The following ADAMTS12 variants were observed in gnomAD, a reference collection of about 807,000 sequenced individuals.
ADAMTS12 encodes the protein ADAM metallopeptidase with thrombospondin type 1 motif 12.
A neutral mutation model predicts 167.8 loss-of-function variants in ADAMTS12; 118 were observed. The ratio of observed to expected loss-of-function variants is 0.70; its 90% confidence interval spans 0.61 to 0.82. The LOEUF is 0.82. Among genes scored for constraint, ADAMTS12 ranks in the 40% least tolerant of loss-of-function variants. ADAMTS12 has a pLI of 0.00. For synonymous variants in ADAMTS12, 704 were observed against 716.9 expected (o/e 0.98, Z 0.29); for missense variants, 1,916 against 1,998.8 (o/e 0.96, Z 0.79).
At chr5:33,639,022 C>T (rs999312852) in intron 11 of ADAMTS12, among the ~76,000 whole-genome samples, 6 of 151,988 alleles carry the variant, frequency 3.9e-5, no homozygotes, top group African/African-American at 1.5e-4. Context: ...GCCTGGAGTT[C>T]GAATTTGGTA....
At chr5:33,875,198 A>C (rs1442319514) in intron 2 of ADAMTS12, among the ~76,000 whole-genome samples, 5 of 152,254 alleles carry the variant, frequency 3.3e-5, no homozygotes, top group Admixed American at 6.5e-5. Context: ...TAGGTGGAGC[A>C]CAGAAAATTC....
intron 17 of ADAMTS12, among the ~76,000 whole-genome samples, chr5:33,590,292 T>C (rs1221218826): frequency 3.3e-5 from 5 of 152,208 alleles, no homozygotes; most frequent in Non-Finnish European, 5.9e-5. Context: ...TACAGTCCCT[T>C]AGGGGACATA....
chr5:33,530,069 G>A (rs1183231094), intron 23 of ADAMTS12, among the ~76,000 whole-genome samples: 2 of 148,308 alleles, frequency 1.3e-5, no homozygotes, highest in Non-Finnish European at 3.0e-5. Flanking sequence ...ACAGGCATGT[G>A]CCACCATGCC....
intron 1 of ADAMTS12, 62 bp from the exon 2 acceptor site, chr5:33,881,542 T>G (rs1261231734): frequency 6.5e-7 from 1 of 1,542,406 alleles, no homozygotes; most frequent in African/African-American, 1.4e-5. Context: ...AAAGCCACTT[T>G]CGTTTGGAAC....
At chr5:33,548,147 C>T (rs963291718) in intron 21 of ADAMTS12, among the ~76,000 whole-genome samples, 6 of 152,198 alleles carry the variant, frequency 3.9e-5, no homozygotes, top group Non-Finnish European at 7.3e-5. Context: ...TCTCTGCCTT[C>T]CCTTCACTGG....
intron 3 of ADAMTS12, among the ~76,000 whole-genome samples, chr5:33,734,850 G>A (rs560363160): frequency 6.6e-6 from 1 of 152,306 alleles, no homozygotes; most frequent in African/African-American, 2.4e-5. Flanking sequence ...GGAGGAGCTT[G>A]TGGGCCACCC....
chr5:33,722,316 GTTAT>G (rs772219000), intron 3 of ADAMTS12, among the ~76,000 whole-genome samples: 1 of 152,118 alleles, frequency 6.6e-6, no homozygotes, highest in Non-Finnish European at 1.5e-5. Context: ...CCTGTATTGT[GTTAT>G]TTGTGTATTT....
rs372674410 is a variant in ADAMTS12, at chr5:33,889,357, G to A, written c.127+2373C>T. On this transcript the variant is annotated intron_variant, in intron 1 of 23. Coordinates refer to ENST00000504830, the MANE Select transcript of ADAMTS12 (RefSeq NM_030955.4). ...CCTGAAGTAATTTGCAAGTTTAAAC[G>A]TTCAGGATTTGAATGCATTCAAAAA... Among the ~76,000 whole-genome samples the A allele has an allele frequency of 2.7e-3, 409 of 152,224 alleles. 3 individuals carry two copies. Among genetic ancestry groups the A allele is most frequent in the African/African-American group, 9.5e-3 (394 of 41,536 alleles).
intron 3 of ADAMTS12, among the ~76,000 whole-genome samples, chr5:33,740,591 G>T (rs1199215715): frequency 6.6e-6 from 1 of 152,154 alleles, no homozygotes. Flanking sequence ...GGGATGGGGG[G>T]GATGATTGCT....
intron 2 of ADAMTS12, among the ~76,000 whole-genome samples, chr5:33,799,380 A>G (rs1746907198): frequency 6.6e-6 from 1 of 152,140 alleles, no homozygotes; most frequent in Non-Finnish European, 1.5e-5. Context: ...CCCTTTCCCA[A>G]GGGGCTGCTC....
intron 7 of ADAMTS12, 32 bp from the exon 8 acceptor site, chr5:33,649,729 CA>C (rs780818124): frequency 6.2e-7 from 1 of 1,609,776 alleles, no homozygotes; most frequent in African/African-American, 1.3e-5. Context: ...CAAGAAGAGC[CA>C]GCAGGCAGGC....
chr5:33,819,598 T>C (rs1289804342), intron 2 of ADAMTS12, among the ~76,000 whole-genome samples: 2 of 152,150 alleles, frequency 1.3e-5, no homozygotes, highest in African/African-American at 4.8e-5. Context: ...TCTATACAAA[T>C]TTTAGGATTC....
intron 18 of ADAMTS12, among the ~76,000 whole-genome samples, chr5:33,579,332 T>C (rs1746933600): frequency 6.6e-6 from 1 of 152,232 alleles, no homozygotes; most frequent in Non-Finnish European, 1.5e-5. Flanking sequence ...AGCTGACTGA[T>C]AACTGAGGTC....
At chr5:33,744,854 A>G (rs1744723631) in intron 3 of ADAMTS12, among the ~76,000 whole-genome samples, 1 of 152,152 alleles carries the variant, frequency 6.6e-6, no homozygotes, top group Admixed American at 6.5e-5. Context: ...TTTCACTGTC[A>G]CCCAGACTGG....
intron 2 of ADAMTS12, among the ~76,000 whole-genome samples, chr5:33,795,231 A>G (rs758950689): frequency 4.6e-5 from 7 of 152,180 alleles, no homozygotes; most frequent in Non-Finnish European, 7.3e-5. Flanking sequence ...GTGCTTACAA[A>G]TGGCACTGCC....
intron 3 of ADAMTS12, among the ~76,000 whole-genome samples, chr5:33,690,688 T>C (rs1742518955): frequency 6.6e-6 from 1 of 152,162 alleles, no homozygotes; most frequent in Non-Finnish European, 1.5e-5. Flanking sequence ...GAATTTATAA[T>C]GAATTTATAT....
intron 5 of ADAMTS12, among the ~76,000 whole-genome samples, chr5:33,670,631 A>G (rs1459306696): frequency 6.6e-6 from 1 of 152,098 alleles, no homozygotes; most frequent in Non-Finnish European, 1.5e-5. Context: ...AATCCCAGCT[A>G]CTCAGGAGGT....
chr5:33,853,902 G>T (rs1380270329), intron 2 of ADAMTS12, among the ~76,000 whole-genome samples: 1 of 152,158 alleles, frequency 6.6e-6, no homozygotes, highest in Non-Finnish European at 1.5e-5. Flanking sequence ...AATCCTGCTG[G>T]TCCCTGGGCT....
intron 3 of ADAMTS12, among the ~76,000 whole-genome samples, chr5:33,688,906 A>G (rs1204557488): frequency 1.3e-5 from 2 of 152,178 alleles, no homozygotes; most frequent in Admixed American, 6.5e-5. Flanking sequence ...CTAACTGGAC[A>G]TTGGCCACTA....
Sources: gnomAD v4.1 joint callset for allele counts (sites outside exome capture counted in the v4.1 genomes callset) on GRCh38, gnomAD v4.1.1 for gene constraint, MANE v1.5 for transcripts, NCBI Gene and HGNC (gene_info 2026-07-23, HGNC 2026-07-21) for gene names.